Variants in PTPN12 observed in about 807,000 individuals in gnomAD.
The protein encoded by PTPN12 is protein tyrosine phosphatase non-receptor type 12.
In PTPN12, 29 loss-of-function variants were observed where a neutral mutation model predicts 97.6. That is an observed-to-expected ratio of 0.30 (90% CI 0.22 to 0.41). The LOEUF is 0.41. Ranked by LOEUF, PTPN12 falls within the 10% of genes least tolerant of loss-of-function variation. The probability of loss-of-function intolerance (pLI) is 1.00; values close to 1 mark genes in which losing one functional copy is unlikely to be tolerated. For missense variants in PTPN12, 819 were observed against 926.0 expected (o/e 0.88, Z 1.50); for synonymous variants, 327 against 300.4 (o/e 1.09, Z -0.91).
intron 12 of PTPN12, among the ~76,000 whole-genome samples, chr7:77,622,777 A>G (rs1788986506): frequency 6.7e-6 from 1 of 149,456 alleles, no homozygotes; most frequent in Non-Finnish European, 1.5e-5. Context: ...GTCTCAAAAA[A>G]AAAGAAAGAA....
At chr7:77,595,812 T>C (rs1788005818) in intron 6 of PTPN12, among the ~76,000 whole-genome samples, 1 of 152,212 alleles carries the variant, frequency 6.6e-6, no homozygotes, top group Non-Finnish European at 1.5e-5. Context: ...TAATCCTTGT[T>C]CTAAACTATC....
rs1806698325 is a variant in PTPN12 at position 77,537,302 on chromosome 7, C to CAA, written c.-244_-243insAA. On this transcript the variant is annotated 5_prime_UTR_variant, in exon 1 of 18. Coordinates refer to ENST00000248594, the MANE Select transcript of PTPN12 (RefSeq NM_002835.4). ...CTGGGGGTTGGGGTTGGCGCTAGCG[C>CAA]AGCGGCTCGCCTGGTACTGTGGGAG... 5.2e-6 allele frequency: 2 copies of CAA among 385,586 alleles called. No homozygotes were observed. The highest frequency in any genetic ancestry group is 8.8e-6 in the Non-Finnish European group (2 of 226,416). 23.9% of individuals were successfully genotyped at this position (385,586 alleles called of 1,614,324 possible).
chr7:77,637,857 CAAAAAAAA>C lies in PTPN12; in HGVS notation c.2174-755_2174-748del, dbSNP rs754983873. 7.2e-5 allele frequency among the ~76,000 whole-genome samples: 4 copies of C among 55,622 alleles called. No homozygotes were observed. The South Asian group carries it at 3.6e-3, about 50-fold the overall frequency. The allele number at this position is 55,622 out of a possible 152,430, so 36.5% of individuals were successfully genotyped here. A position where few individuals can be genotyped will look rare whatever the true frequency, so the allele number is the denominator to read the frequency against. On this transcript the variant is annotated intron_variant, in intron 16 of 17. Transcript: ENST00000248594. ...GGGCAACAAGAGGGAAACTCCGTCT[CAAAAAAAA>C]AAAAAAAAAAACAAGTAGAGTTATT...
At chr7:77,554,476 C>T (rs542811771) in intron 1 of PTPN12, among the ~76,000 whole-genome samples, 1 of 152,286 alleles carries the variant, frequency 6.6e-6, no homozygotes, top group East Asian at 1.9e-4. Flanking sequence ...TAACCAAATA[C>T]ATGTTTGCTG....
intron 16 of PTPN12, among the ~76,000 whole-genome samples, chr7:77,638,045 C>T (rs1461834224): frequency 2.8e-5 from 4 of 144,912 alleles, no homozygotes; most frequent in African/African-American, 7.6e-5. Context: ...GCAAGCTCCA[C>T]CTCCTGGGTT....
intron 7 of PTPN12, among the ~76,000 whole-genome samples, chr7:77,598,781 T>C (rs903831155): frequency 6.6e-6 from 1 of 151,512 alleles, no homozygotes; most frequent in African/African-American, 2.4e-5. Flanking sequence ...GCTAGAAAAT[T>C]ATTTTGCTTT....
chr7:77,635,986 C>A, intron 15 of PTPN12, 137 bp downstream of exon 15: 1 of 550,846 alleles, frequency 1.8e-6, no homozygotes, highest in Non-Finnish European at 2.9e-6. Flanking sequence ...ATTTCTTATA[C>A]TAAGATTTCA....
At chr7:77,560,416 C>T (rs575429226) in intron 1 of PTPN12, among the ~76,000 whole-genome samples, 1 of 152,286 alleles carries the variant, frequency 6.6e-6, no homozygotes, top group South Asian at 2.1e-4. Context: ...AACCTATCAT[C>T]TAAGCCATTT....
chr7:77,616,149 C>T (rs1354350179), intron 11 of PTPN12, among the ~76,000 whole-genome samples: 4 of 152,190 alleles, frequency 2.6e-5, no homozygotes, highest in African/African-American at 9.6e-5. Context: ...TCTCTTTACC[C>T]TTCCACCTGT....
At chr7:77,550,702 G>C (rs932781492) in intron 1 of PTPN12, among the ~76,000 whole-genome samples, 1 of 152,188 alleles carries the variant, frequency 6.6e-6, no homozygotes, top group African/African-American at 2.4e-5. Context: ...ATGAGCAAGA[G>C]GCATTTTTGT....
At chr7:77,537,669 C>T (rs374049327) in intron 1 of PTPN12, 24 bp downstream of exon 1, 90 of 1,566,124 alleles carry the variant, frequency 5.7e-5, no homozygotes, top group Non-Finnish European at 6.7e-5. Flanking sequence ...CTCGCTGTCG[C>T]GTTTTCTTGC....
intron 16 of PTPN12, among the ~76,000 whole-genome samples, chr7:77,637,945 A>AT (rs754842372): frequency 0.057 from 3,766 of 66,636 alleles, 417 homozygotes; most frequent in Non-Finnish European, 0.075. Flanking sequence ...ATTTCTTAAA[A>AT]TTTTTTTTTT....
chr7:77,580,368 C>T (rs998905328), intron 2 of PTPN12, among the ~76,000 whole-genome samples: 2 of 152,136 alleles, frequency 1.3e-5, no homozygotes, highest in Non-Finnish European at 2.9e-5. Context: ...GTAAATCTTT[C>T]TGTGCTTTGG....
chr7:77,585,681 T>C, intron 5 of PTPN12, 100 bp downstream of exon 5: 1 of 1,035,340 alleles, frequency 9.7e-7, no homozygotes, highest in Admixed American at 2.2e-5. Flanking sequence ...TGTAGATACT[T>C]CTTTTATTTT....
chr7:77,555,616 A>G (rs561183503), intron 1 of PTPN12, among the ~76,000 whole-genome samples: 2 of 152,272 alleles, frequency 1.3e-5, no homozygotes, highest in African/African-American at 4.8e-5. Flanking sequence ...TTTTAAAAAA[A>G]TCTCTAGCGT....
intron 1 of PTPN12, among the ~76,000 whole-genome samples, chr7:77,539,247 C>T (rs561677755): frequency 6.6e-6 from 1 of 152,146 alleles, no homozygotes; most frequent in East Asian, 1.9e-4. Flanking sequence ...TGATTCCCGC[C>T]TCCCCAGACC....
chr7:77,582,354 TA>T (rs1266105434), intron 3 of PTPN12, among the ~76,000 whole-genome samples: 1 of 152,138 alleles, frequency 6.6e-6, no homozygotes, highest in African/African-American at 2.4e-5. Context: ...TCAGTTTAAA[TA>T]AAAGGCTTTT....
chr7:77,584,674 G>A (rs2109922), intron 4 of PTPN12, among the ~76,000 whole-genome samples: 103,626 of 151,822 alleles, frequency 0.68, 36,419 homozygotes, highest in East Asian at 0.9. Context: ...TCAGGAGATC[G>A]AGACCATCCT....
chr7:77,604,864 G>A (rs1562742868), intron 8 of PTPN12: 2 of 428,428 alleles, frequency 4.7e-6, no homozygotes, highest in Admixed American at 2.4e-5. Flanking sequence ...TTAATTTTTT[G>A]CTCTTCATTG....
Sources: allele counts gnomAD v4.1 joint callset (sites outside exome capture counted in the v4.1 genomes callset), GRCh38; gene constraint gnomAD v4.1.1; transcripts MANE v1.5; gene names NCBI Gene and HGNC (gene_info 2026-07-23, HGNC 2026-07-21).